Variants in FOXN3 observed in about 807,000 individuals in gnomAD.
The protein encoded by FOXN3 is forkhead box N3.
Under a neutral mutation model 38.4 loss-of-function variants are expected in FOXN3, and 7 were observed. The ratio of observed to expected loss-of-function variants is 0.18; its 90% CI spans 0.10 to 0.34. The LOEUF is 0.34. Ranked by LOEUF, FOXN3 falls within the 10% of genes least tolerant of loss-of-function variation. The probability of loss-of-function intolerance (pLI) is 1.00; values close to 1 mark genes in which losing one functional copy is unlikely to be tolerated. For synonymous variants in FOXN3, 230 were observed against 242.2 expected (o/e 0.95, Z 0.47); for missense variants, 456 against 613.4 (o/e 0.74, Z 2.71).
intron 1 of FOXN3, among the ~76,000 whole-genome samples, chr14:89,461,365 C>T (rs73329225): frequency 0.024 from 3,668 of 151,806 alleles, 129 homozygotes; most frequent in African/African-American, 0.084. Context: ...CTCAGTCTGC[C>T]TGTTGTCTGT....
chr14:89,506,574 A>G (rs1187093955), intron 1 of FOXN3, among the ~76,000 whole-genome samples: 4 of 150,804 alleles, frequency 2.7e-5, no homozygotes, highest in Non-Finnish European at 5.9e-5. Context: ...GGCCGCCCCT[A>G]CTGGGAAGTG....
chr14:89,435,373 TAAAA>T (rs763454392), intron 1 of FOXN3, among the ~76,000 whole-genome samples: 1 of 131,336 alleles, frequency 7.6e-6, no homozygotes, highest in African/African-American at 2.8e-5. Context: ...CCCTGTCTCT[TAAAA>T]AAAAAAAAAA....
At chr14:89,230,219 CA>C (rs1478265440) in intron 4 of FOXN3, among the ~76,000 whole-genome samples, 1 of 152,232 alleles carries the variant, frequency 6.6e-6, no homozygotes, top group Non-Finnish European at 1.5e-5. Context: ...AGGGATAACA[CA>C]CACCCTTTTC....
intron 1 of FOXN3, among the ~76,000 whole-genome samples, chr14:89,559,406 G>A (rs8019498): frequency 0.052 from 7,858 of 152,174 alleles, 481 homozygotes; most frequent in African/African-American, 0.15. Context: ...GGCCGGGCGT[G>A]GTGGCTCACG....
intron 3 of FOXN3, among the ~76,000 whole-genome samples, chr14:89,306,687 T>C (rs1247845754): frequency 6.6e-6 from 1 of 152,136 alleles, no homozygotes; most frequent in Non-Finnish European, 1.5e-5. Flanking sequence ...CTCCTTCATA[T>C]GCAAAGTGGA....
chr14:89,565,801 C>T (rs935691162), intron 1 of FOXN3, among the ~76,000 whole-genome samples: 1 of 152,192 alleles, frequency 6.6e-6, no homozygotes, highest in African/African-American at 2.4e-5. Flanking sequence ...TCCATCTTCA[C>T]GTCAGATCTG....
At chr14:89,584,373 C>G (rs1895804740) in intron 1 of FOXN3, among the ~76,000 whole-genome samples, 1 of 152,012 alleles carries the variant, frequency 6.6e-6, no homozygotes. Context: ...TGTACGCCAG[C>G]CTGGGCGACC....
intron 4 of FOXN3, among the ~76,000 whole-genome samples, chr14:89,267,358 C>A (rs1886015485): frequency 6.6e-6 from 1 of 152,136 alleles, no homozygotes; most frequent in South Asian, 2.1e-4. Context: ...CTGCAGTGGT[C>A]ATAGCTGGGC....
chr14:89,205,335 G>T (rs1192142213), intron 4 of FOXN3, among the ~76,000 whole-genome samples: 1 of 152,136 alleles, frequency 6.6e-6, no homozygotes, highest in Non-Finnish European at 1.5e-5. Flanking sequence ...GATGACACGG[G>T]AAGTGCCGGG....
intron 4 of FOXN3, among the ~76,000 whole-genome samples, chr14:89,181,064 ATGCACACACACACG>A (rs1199281013): frequency 2.0e-5 from 3 of 152,024 alleles, no homozygotes; most frequent in African/African-American, 4.8e-5. Context: ...ACATACAGAC[ATGCACACACACACG>A]TGCACACACA....
chr14:89,396,235 T>G (rs144050145), intron 2 of FOXN3, among the ~76,000 whole-genome samples: 1 of 152,176 alleles, frequency 6.6e-6, no homozygotes, highest in Non-Finnish European at 1.5e-5. Context: ...CAAACTAAGA[T>G]GTAGGAAGGA....
chr14:89,313,710 G>A (rs1887640214), intron 3 of FOXN3, among the ~76,000 whole-genome samples: 1 of 152,188 alleles, frequency 6.6e-6, no homozygotes, highest in African/African-American at 2.4e-5. Context: ...AGCAGCAGCA[G>A]TATTCACAGT....
intron 1 of FOXN3, among the ~76,000 whole-genome samples, chr14:89,563,556 G>A (rs1661567271): frequency 1.3e-5 from 2 of 152,136 alleles, no homozygotes; most frequent in Admixed American, 1.3e-4. Flanking sequence ...TCCTGTTTGG[G>A]TTGTCCAGGC....
intron 1 of FOXN3, among the ~76,000 whole-genome samples, chr14:89,606,230 C>T (rs1317363428): frequency 6.6e-6 from 1 of 152,066 alleles, no homozygotes; most frequent in East Asian, 1.9e-4. Context: ...ATTAGTCTTA[C>T]TATAAAATAA....
chr14:89,304,865 C>T (rs568352254), intron 3 of FOXN3, among the ~76,000 whole-genome samples: 4 of 150,158 alleles, frequency 2.7e-5, no homozygotes, highest in East Asian at 3.9e-4. Flanking sequence ...TAATAGACAA[C>T]GTCCTTTAAA....
intron 1 of FOXN3, among the ~76,000 whole-genome samples, chr14:89,593,133 A>AGGAGGGAG (rs141729598): frequency 7.9e-6 from 1 of 126,700 alleles, no homozygotes; most frequent in Non-Finnish European, 1.7e-5. Flanking sequence ...GAAGGAGGGA[A>AGGAGGGAG]GGAGGGAGGG....
chr14:89,257,394 C>T (rs944094602), intron 4 of FOXN3, among the ~76,000 whole-genome samples: 3 of 152,300 alleles, frequency 2.0e-5, no homozygotes, highest in South Asian at 2.1e-4. Flanking sequence ...GTTCCTTCCA[C>T]GAAGTTGGGC....
chr14:89,290,818 C>A, intron 3 of FOXN3: 1 of 269,502 alleles, frequency 3.7e-6, no homozygotes. Flanking sequence ...TAGGCTTCTC[C>A]CTGGTTAAAC....
At chr14:89,488,901 G>T (rs925130265) in intron 1 of FOXN3, among the ~76,000 whole-genome samples, 5 of 152,024 alleles carry the variant, frequency 3.3e-5, no homozygotes, top group African/African-American at 1.2e-4. Flanking sequence ...AGTTGAGAGG[G>T]GTATGACTTA....
Sources: allele counts gnomAD v4.1 joint callset (sites outside exome capture counted in the v4.1 genomes callset), GRCh38; gene constraint gnomAD v4.1.1; transcripts MANE v1.5; gene names NCBI Gene and HGNC (gene_info 2026-07-23, HGNC 2026-07-21).